The following SLC41A1 variants were observed in gnomAD, a reference collection of about 807,000 sequenced individuals.
The protein encoded by SLC41A1 is solute carrier family 41 (magnesium transporter), member 1.
SLC41A1 carries 20 observed loss-of-function variants against 47.3 expected under a neutral mutation model. That is an observed-to-expected ratio of 0.42 (90% CI 0.30 to 0.61). The LOEUF (loss-of-function observed/expected upper bound fraction) is 0.61, where lower values mean the gene tolerates loss of function less well. SLC41A1 is among the 20% of genes least tolerant of loss of function. SLC41A1 has a pLI of 0.17. For missense variants in SLC41A1, 504 were observed against 674.1 expected, an observed-to-expected ratio of 0.75 and a Z score of 2.79; for synonymous variants, 282 against 272.7, an observed-to-expected ratio of 1.03 and a Z score of -0.34.
Position 205,795,005 on chromosome 1 carries a change from G to C in SLC41A1, c.1221C>G (p.Arg407=), listed in dbSNP as rs748119784. The C allele has an allele frequency of 1.7e-5, 27 of 1,614,014 alleles. No homozygotes were observed. Among genetic ancestry groups the C allele is most frequent in the Middle Eastern group, 3.3e-4 (2 of 6,060 alleles). The change falls in exon 10 of 11, where the codon CGC becomes CGG. Residue 407 remains arginine, a synonymous_variant. Transcript: ENST00000367137. ...CGAGGAGGAAGAGGACCCGGGCTGA[G>C]CGAGAATTCACATCTGGAATTGGGG... is the stretch of plus-strand genomic sequence containing the variant. The part of the protein sequence containing the change: ...TTFFSPDVNS[R]SARVLFLLVV...
At chr1:205,804,827 G>A (rs1281594473) in intron 2 of SLC41A1, among the ~76,000 whole-genome samples, 2 of 152,136 alleles carry the variant, frequency 1.3e-5, no homozygotes, top group Admixed American at 6.5e-5. Context: ...ACTTCTACAG[G>A]TAGGTGTATG....
intron 9 of SLC41A1, 104 bp downstream of exon 9, chr1:205,795,240 G>T: frequency 6.4e-7 from 1 of 1,567,212 alleles, no homozygotes; most frequent in Non-Finnish European, 8.7e-7. Flanking sequence ...GCCCAGCAGA[G>T]AAGGAGAACC....
In SLC41A1 at chr1:205,790,197, T is replaced by C. The variant is rs1404385323; in HGVS notation, c.*1336A>G. 1 of 152,240 alleles carries C rather than the reference T, an allele frequency of 6.6e-6. No individual in the cohort carries two copies. Among genetic ancestry groups the C allele is most frequent in the Non-Finnish European group, 1.5e-5 (1 of 68,080 alleles). 9.4% of individuals were successfully genotyped at this position (152,240 alleles called of 1,614,324 possible). On this transcript the variant is annotated 3_prime_UTR_variant, in exon 11 of 11. Coordinates refer to ENST00000367137, the MANE Select transcript of SLC41A1 (RefSeq NM_173854.6). Reference sequence around the variant, plus strand: ...GCAGAAGAATCTGGCTTGAAGTAGATGCAAATACTTACAACGAGGAAACTT... The same window carrying C: ...GCAGAAGAATCTGGCTTGAAGTAGACGCAAATACTTACAACGAGGAAACTT...
Position 205,789,407 on chromosome 1 carries a change from C to T in SLC41A1, c.*2126G>A, listed in dbSNP as rs1395501377. 6.6e-6 allele frequency: 1 copy of T among 152,314 alleles called. No homozygotes were observed. Among genetic ancestry groups the T allele is most frequent in the Non-Finnish European group, 1.5e-5 (1 of 68,140 alleles). The allele number at this position is 152,314 out of a possible 1,614,324, so 9.4% of individuals were successfully genotyped here. A position where few individuals can be genotyped will look rare whatever the true frequency, so the allele number is the denominator to read the frequency against. On this transcript the variant is annotated 3_prime_UTR_variant, in exon 11 of 11. Coordinates refer to ENST00000367137, the MANE Select transcript of SLC41A1 (RefSeq NM_173854.6). Reference sequence around the variant, plus strand: ...TGCTTTTTAGGCAAAGGAGGTCACTCCAGAGTCTTCTGGGACTGCCTGGCC... The same window carrying T: ...TGCTTTTTAGGCAAAGGAGGTCACTTCAGAGTCTTCTGGGACTGCCTGGCC...
At position 205,798,961 on chromosome 1, in the gene SLC41A1, T is replaced by C; in HGVS notation, c.693A>G (p.Val231=). The change falls in exon 5 of 11, where the codon GTA becomes GTG. Residue 231 remains valine, a synonymous_variant. Transcript: ENST00000367137. ...TCTATGCCCTCCCTTTCTTACCCAG[T>C]ACCAGGGAGGCAATGAAGGCTGTGG... The part of the protein sequence containing the change: ...SVATAFIASL[V]LGMIMIGVII... The C allele has an allele frequency of 6.2e-7, 1 of 1,614,004 alleles. No individual in the cohort carries two copies. The highest frequency in any genetic ancestry group is 8.5e-7 in the Non-Finnish European group (1 of 1,179,986).
At chr1:205,807,893 G>A (rs1390044235) in intron 2 of SLC41A1, among the ~76,000 whole-genome samples, 3 of 151,122 alleles carry the variant, frequency 2.0e-5, no homozygotes, top group Non-Finnish European at 1.5e-5. Flanking sequence ...CTGGCTTCAA[G>A]CGATCCTCCT....
At chr1:205,793,187 C>T (rs904883305) in intron 10 of SLC41A1, among the ~76,000 whole-genome samples, 4 of 152,204 alleles carry the variant, frequency 2.6e-5, no homozygotes, top group African/African-American at 7.2e-5. Context: ...GCTGTCCTCA[C>T]ATTCCAGCTT....
Position 205,799,031 on chromosome 1 carries a change from T to A in SLC41A1, c.623A>T (p.His208Leu). ...CAGGAAGGCGTGCGGAATACTGAAGTGGCCATCAGGGATCCAGCCAAAGAC... is the reference window on the plus strand; with the variant it reads ...CAGGAAGGCGTGCGGAATACTGAAGAGGCCATCAGGGATCCAGCCAAAGAC... ...AVVFGWIPDG[H>L]FSIPHAFLLC... Residue 208 changes from histidine (H) to leucine (L), a missense_variant, in exon 5 of 11, where the codon CAC becomes CTC. Physicochemically the swap from His to Leu is moderately conservative, Grantham distance 99. This residue lies in a region of SLC41A1 where 421 missense variants were observed against 601.6 expected (regional missense o/e 0.70). Coordinates refer to ENST00000367137, the MANE Select transcript of SLC41A1 (RefSeq NM_173854.6). 6.2e-7 allele frequency: 1 copy of A among 1,613,754 alleles called. No homozygotes were observed. Among genetic ancestry groups the A allele is most frequent in the African/African-American group, 1.3e-5 (1 of 75,012 alleles).
In SLC41A1 at chr1:205,810,415, G is replaced by T. The variant is rs149949112; in HGVS notation, c.27C>A (p.Asp9Glu). 11 of 1,614,110 alleles carry T rather than the reference G, an allele frequency of 6.8e-6. No individual in the cohort carries two copies. The highest frequency in any genetic ancestry group is 9.3e-6 in the Non-Finnish European group (11 of 1,180,048). The change falls in exon 2 of 11, where the codon GAC becomes GAA. Residue 9 changes from aspartate to glutamate, a missense_variant. This residue lies in a region of SLC41A1 where 83 missense variants were observed against 72.5 expected (regional missense o/e 1.15). Transcript: ENST00000367137. The surrounding 1 kb of genome is among the most constrained non-coding windows in gnomAD (Gnocchi z 5.5). ...GGCCAGTCCCGTTCAGTTGGTGGACGTCCTTCGGCTCTGGCTTAGAGGACA... is the reference window on the plus strand; with the variant it reads ...GGCCAGTCCCGTTCAGTTGGTGGACTTCCTTCGGCTCTGGCTTAGAGGACA... MSSKPEPK[D>E]VHQLNGTGPS...
Position 205,810,007 on chromosome 1 carries a change from G to A in SLC41A1, c.372+63C>T. The A allele has an allele frequency of 6.2e-7, 1 of 1,610,082 alleles. No individual in the cohort carries two copies. The highest frequency in any genetic ancestry group is 8.5e-7 in the Non-Finnish European group (1 of 1,178,246). The stretch of plus-strand genomic sequence containing the variant: ...CAGGGAGGTAGAGAGGAAGTTCCAA[G>A]TTTCCCAGCAGGCAAAGGTGGCCCT... On this transcript the variant is annotated intron_variant, in intron 2 of 10. Transcript: ENST00000367137. The surrounding 1 kb of genome is among the most constrained non-coding windows in gnomAD (Gnocchi z 5.5).
intron 2 of SLC41A1, among the ~76,000 whole-genome samples, chr1:205,803,878 C>T (rs1655950292): frequency 6.6e-6 from 1 of 152,062 alleles, no homozygotes; most frequent in Non-Finnish European, 1.5e-5. Flanking sequence ...GCCTCGACCT[C>T]CCAAAGTGTG....
In SLC41A1 at chr1:205,799,090, C is replaced by A. The variant is rs148572450; in HGVS notation, c.564G>T (p.Thr188=). ...GNMALIQVQA[T]VVGFLASIAA... Reference sequence around the variant, plus strand: ...CGATGGACGCCAGGAAGCCCACCACCGTGGCCTGCACCTGGGGACAGGAGT... The same window carrying A: ...CGATGGACGCCAGGAAGCCCACCACAGTGGCCTGCACCTGGGGACAGGAGT... The change falls in exon 5 of 11, where the codon ACG becomes ACT. Residue 188 remains threonine (T), a synonymous_variant. Transcript: ENST00000367137. 4.3e-6 allele frequency: 7 copies of A among 1,612,140 alleles called. No homozygotes were observed. In the South Asian group the frequency reaches 4.4e-5, roughly 10 times the overall value.
chr1:205,809,197 T>G (rs1202006780), intron 2 of SLC41A1, among the ~76,000 whole-genome samples: 1 of 152,162 alleles, frequency 6.6e-6, no homozygotes, highest in Non-Finnish European at 1.5e-5. Context: ...CTAAAAAACT[T>G]TTATCTAAAA....
rs1656118716 is a variant in SLC41A1, at chr1:205,810,325, G to A, written c.117C>T (p.Phe39=). Residue 39 remains phenylalanine, a synonymous_variant, in exon 2 of 11, where the codon TTC becomes TTT. Coordinates refer to ENST00000367137, the MANE Select transcript of SLC41A1 (RefSeq NM_173854.6). This position sits in a 1 kb window ranked among gnomAD's most constrained non-coding sequence, Gnocchi z 5.5. ...CTACCCCAGCCCCATCAGGCCCCAGGAACTCTGAGGTCCCAGCCAAGGGCT... is the reference window on the plus strand; with the variant it reads ...CTACCCCAGCCCCATCAGGCCCCAGAAACTCTGAGGTCCCAGCCAAGGGCT... ...GREPLAGTSE[F]LGPDGAGVEV... is the part of the protein sequence containing the mutation. The A allele has an allele frequency of 3.7e-6, 6 of 1,614,080 alleles. No individual in the cohort carries two copies. Among genetic ancestry groups the A allele is most frequent in the Non-Finnish European group, 5.1e-6 (6 of 1,179,996 alleles).
At chr1:205,797,878 A>T (rs1655784371) in intron 7 of SLC41A1, 26 bp downstream of exon 7, 1 of 1,613,648 alleles carries the variant, frequency 6.2e-7, no homozygotes, top group Admixed American at 1.7e-5. Flanking sequence ...GTGGGGTAGG[A>T]GTGGATACTC....
At chr1:205,796,406 C>A (rs139907388) in intron 8 of SLC41A1, 1 of 194,204 alleles carries the variant, frequency 5.1e-6, no homozygotes, top group South Asian at 9.9e-5. Context: ...GGATTAATGT[C>A]TTTCTTGGGA....
intron 10 of SLC41A1, 102 bp downstream of exon 10, chr1:205,794,768 A>G (rs906553882): frequency 6.8e-6 from 10 of 1,476,666 alleles, no homozygotes; most frequent in Non-Finnish European, 9.3e-6. Context: ...TGACACAGAG[A>G]AAGAGGAGGT....
In SLC41A1 at chr1:205,810,054, C is replaced by T. The variant is rs758154885; in HGVS notation, c.372+16G>A. The stretch of plus-strand genomic sequence containing the variant: ...CCCTGGGCTCACAGTCAAGAGCTGC[C>T]CTACTCAGGTCCTACCTGCACGATG... On this transcript the variant is annotated intron_variant, in intron 2 of 10. Transcript: ENST00000367137. The surrounding 1 kb of genome is among the most constrained non-coding windows in gnomAD (Gnocchi z 5.5). 6 of 1,614,118 alleles carry T rather than the reference C, an allele frequency of 3.7e-6. No individual in the cohort carries two copies. The highest frequency in any genetic ancestry group is 5.1e-6 in the Non-Finnish European group (6 of 1,180,022).
At chr1:205,806,548 C>T (rs1656017973) in intron 2 of SLC41A1, among the ~76,000 whole-genome samples, 1 of 152,214 alleles carries the variant, frequency 6.6e-6, no homozygotes, top group South Asian at 2.1e-4. Flanking sequence ...ACATCCGGAG[C>T]AGCCTAGGAC....
Sources: gnomAD v4.1 joint callset for allele counts (sites outside exome capture counted in the v4.1 genomes callset) on GRCh38, gnomAD v4.1.1 for gene constraint, gnomAD v4.1.1 regional missense constraint, Gnocchi (gnomAD v3.1) non-coding constraint, MANE v1.5 for transcripts, NCBI Gene and HGNC (gene_info 2026-07-23, HGNC 2026-07-21) for gene names.